Variants in PPP1R9A observed in about 807,000 individuals in gnomAD.
PPP1R9A encodes protein phosphatase 1 regulatory subunit 9A, also known as neurabin-1.
A neutral mutation model predicts 141.9 loss-of-function variants in PPP1R9A; 59 were observed. The ratio of observed to expected loss-of-function variants is 0.42; its 90% CI spans 0.34 to 0.52. The LOEUF is 0.52. PPP1R9A is among the 20% of genes least tolerant of loss of function. The pLI is 0.10. For synonymous variants in PPP1R9A, 500 were observed against 569.7 expected, an observed-to-expected ratio of 0.88 and a Z score of 1.74; for missense variants, 1,444 against 1,611.9, an observed-to-expected ratio of 0.90 and a Z score of 1.78.
intron 5 of PPP1R9A, among the ~76,000 whole-genome samples, chr7:95,176,184 G>C (rs930096111): frequency 2.0e-5 from 3 of 152,084 alleles, no homozygotes; most frequent in Non-Finnish European, 2.9e-5. Flanking sequence ...ACAGGACTCT[G>C]TGCACACAAC....
chr7:95,210,773 T>G (rs1182364097), intron 7 of PPP1R9A, among the ~76,000 whole-genome samples: 1 of 152,056 alleles, frequency 6.6e-6, no homozygotes, highest in East Asian at 1.9e-4. Flanking sequence ...ATAGACTGGA[T>G]AAAGAAAATG....
intron 2 of PPP1R9A, among the ~76,000 whole-genome samples, chr7:95,089,222 C>G (rs140102005): frequency 5.3e-5 from 8 of 152,120 alleles, no homozygotes; most frequent in Non-Finnish European, 1.2e-4. Flanking sequence ...ATGACTACTA[C>G]CACTTTTACA....
chr7:95,172,147 T>C (rs1272301333), intron 5 of PPP1R9A, among the ~76,000 whole-genome samples: 1 of 151,592 alleles, frequency 6.6e-6, no homozygotes, highest in African/African-American at 2.4e-5. Context: ...CTAATAACAT[T>C]CTTAATGGTG....
chr7:95,199,301 A>G (rs1309517867), intron 6 of PPP1R9A, among the ~76,000 whole-genome samples: 2 of 152,210 alleles, frequency 1.3e-5, no homozygotes, highest in African/African-American at 4.8e-5. Flanking sequence ...CAACAATTTA[A>G]TTGTAGTATT....
chr7:95,115,923 AAAAAAAAAAAG>A (rs1821425757), intron 3 of PPP1R9A, among the ~76,000 whole-genome samples: 1 of 151,744 alleles, frequency 6.6e-6, no homozygotes, highest in African/African-American at 2.4e-5. Flanking sequence ...TCTCAAAAAA[AAAAAAAAAAAG>A]AAAGAAAGAC....
chr7:94,980,589 C>T (rs1279402571), intron 2 of PPP1R9A, among the ~76,000 whole-genome samples: 1 of 150,438 alleles, frequency 6.6e-6, no homozygotes, highest in East Asian at 1.9e-4. Context: ...GCGCATGCTA[C>T]CATGCCCAGT....
chr7:95,091,716 C>T (rs553762080), intron 2 of PPP1R9A, among the ~76,000 whole-genome samples: 18 of 151,710 alleles, frequency 1.2e-4, no homozygotes, highest in African/African-American at 3.6e-4. Context: ...AAGTTTGAAT[C>T]TCTACCCCCT....
At chr7:95,100,200 G>GTT (rs1425831633) in intron 2 of PPP1R9A, among the ~76,000 whole-genome samples, 1 of 152,042 alleles carries the variant, frequency 6.6e-6, no homozygotes, top group Non-Finnish European at 1.5e-5. Flanking sequence ...TGGGAGGATT[G>GTT]TTTGACCCCG....
At chr7:95,192,749 C>G (rs1462640899) in intron 5 of PPP1R9A, among the ~76,000 whole-genome samples, 1 of 152,032 alleles carries the variant, frequency 6.6e-6, no homozygotes, top group South Asian at 2.1e-4. Flanking sequence ...CTTTTACTTA[C>G]CATTTTAACT....
chr7:95,265,856 G>A lies in PPP1R9A; in HGVS notation c.2666-2694G>A, dbSNP rs1169442263. ...TTGGCTACTTAGGTACCGGATATAA[G>A]GCACAACTTTTTAGATTCCAGCTAA... On this transcript the variant is annotated intron_variant, in intron 12 of 19. Coordinates refer to ENST00000433360, the MANE Select transcript of PPP1R9A (RefSeq NM_001166160.2). Among the ~76,000 whole-genome samples, 4 of 152,032 alleles carry A rather than the reference G, an allele frequency of 2.6e-5. 1 individual carries two copies. In the South Asian group the frequency reaches 8.3e-4, roughly 32 times the overall value.
intron 4 of PPP1R9A, among the ~76,000 whole-genome samples, chr7:95,138,796 A>T (rs1406809054): frequency 1.3e-5 from 2 of 152,222 alleles, no homozygotes; most frequent in Non-Finnish European, 2.9e-5. Context: ...AACTTTAATG[A>T]GATATTACTG....
At chr7:94,944,527 T>G (rs967906118) in intron 2 of PPP1R9A, among the ~76,000 whole-genome samples, 1 of 151,208 alleles carries the variant, frequency 6.6e-6, no homozygotes, top group Admixed American at 6.6e-5. Context: ...ATTTGCTAAT[T>G]TTTACTTAAG....
chr7:95,159,782 C>T (rs61407262), intron 4 of PPP1R9A, among the ~76,000 whole-genome samples: 8,098 of 151,674 alleles, frequency 0.053, 522 homozygotes, highest in East Asian at 0.36. Flanking sequence ...AAACATTAGC[C>T]GGGCTTGGTG....
intron 2 of PPP1R9A, among the ~76,000 whole-genome samples, chr7:95,000,731 C>T (rs553711546): frequency 6.6e-6 from 1 of 152,260 alleles, no homozygotes; most frequent in East Asian, 1.9e-4. Flanking sequence ...TGCAGATAGG[C>T]TAATCGTCTC....
chr7:95,074,470 T>G lies in PPP1R9A; in HGVS notation c.1396-36789T>G, dbSNP rs545317261. ...AGACTACATTGCTTTTTTTTGTTTT[T>G]TTTTTTTTTGTTGTTTTTTTTGAGA... On this transcript the variant is annotated intron_variant, in intron 2 of 19. Coordinates refer to ENST00000433360, the MANE Select transcript of PPP1R9A (RefSeq NM_001166160.2). Among the ~76,000 whole-genome samples the G allele has an allele frequency of 4.6e-3, 517 of 113,100 alleles. 7 individuals are homozygous for G. The highest frequency in any genetic ancestry group is 0.017 in the African/African-American group (468 of 27,588). The allele number at this position is 113,100 out of a possible 152,430, so 74.2% of individuals were successfully genotyped here.
chr7:95,213,196 T>C (rs550477839), intron 7 of PPP1R9A, among the ~76,000 whole-genome samples: 1 of 152,078 alleles, frequency 6.6e-6, no homozygotes, highest in South Asian at 2.1e-4. Flanking sequence ...GTTGGTATCA[T>C]TGGGAGACAG....
intron 2 of PPP1R9A, among the ~76,000 whole-genome samples, chr7:94,961,895 A>G (rs1011194193): frequency 2.0e-5 from 3 of 151,846 alleles, no homozygotes; most frequent in East Asian, 3.9e-4. Context: ...TTTTTAATCA[A>G]TATTGTTGAC....
At chr7:95,003,014 T>TA (rs950361632) in intron 2 of PPP1R9A, among the ~76,000 whole-genome samples, 5 of 152,062 alleles carry the variant, frequency 3.3e-5, no homozygotes, top group Admixed American at 6.6e-5. Flanking sequence ...TCATAACTTG[T>TA]AAAAAAAGTC....
chr7:95,248,861 A>G (rs1163688036), intron 9 of PPP1R9A, among the ~76,000 whole-genome samples: 3 of 152,138 alleles, frequency 2.0e-5, no homozygotes, highest in Non-Finnish European at 4.4e-5. Context: ...ACTGTTTTGC[A>G]AATGTGTTTA....
Sources: allele counts gnomAD v4.1 joint callset (sites outside exome capture counted in the v4.1 genomes callset), GRCh38; gene constraint gnomAD v4.1.1; transcripts MANE v1.5; gene names NCBI Gene and HGNC (gene_info 2026-07-23, HGNC 2026-07-21).